NEB: variants seen among roughly 807,000 people sequenced by gnomAD.
NEB encodes the protein nemaline myopathy type 2.
In NEB, 512 loss-of-function variants were observed where a neutral mutation model predicts 952.2. The observed-to-expected ratio is 0.54, with a 90% CI of 0.50 to 0.58. The LOEUF (loss-of-function observed/expected upper bound fraction) is 0.58, where lower values mean the gene tolerates loss of function less well. Ranked by LOEUF, NEB falls within the 20% of genes least tolerant of loss-of-function variation. The pLI is 0.00. For missense variants in NEB, 8,428 were observed against 9,231.1 expected (o/e 0.91, Z 3.56); for synonymous variants, 2,900 against 3,149.8 (o/e 0.92, Z 2.66).
rs1452847917 is a variant in NEB at position 151,490,451 on chromosome 2, C to T, written c.25218G>A (p.Glu8406=). ...SASALSISGG[E]EKSEHSEAPD... The stretch of plus-strand genomic sequence containing the variant: ...GTGCTTCTGAATGCTCAGACTTCTC[C>T]TCACCCCCACTGATGCTTAGTGCAC... Residue 8406 remains glutamate (E), a synonymous_variant, in exon 180 of 182, where the codon GAG becomes GAA. Transcript: ENST00000397345. The T allele has an allele frequency of 1.9e-6, 3 of 1,606,680 alleles. No homozygotes were observed. Among genetic ancestry groups the T allele is most frequent in the Non-Finnish European group, 1.7e-6 (2 of 1,176,658 alleles).
rs750592605 is a variant in NEB at position 151,563,881 on chromosome 2, A to G, written c.18521T>C (p.Leu6174Pro). ...WEGTKAYGYTLDERYIPIVGA... is the reference protein window; with the variant it reads ...WEGTKAYGYTPDERYIPIVGA... ...AACAATGGGAATGTAGCGCTCATCC[A>G]GGGTGTAGCCATAGGCCTTGGTGCC... Residue 6174 changes from leucine (L) to proline (P), a missense_variant, in exon 118 of 182, where the codon CTG becomes CCG. Leu to Pro is a moderately conservative substitution (Grantham distance 98). Around this residue, in one of 11 missense-constraint regions of NEB, gnomAD observed 3,374 missense variants for 3,651.5 expected, o/e 0.92. Transcript: ENST00000397345. 2 of 1,612,782 alleles carry G rather than the reference A, an allele frequency of 1.2e-6. No homozygotes were observed. The highest frequency in any genetic ancestry group is 1.7e-6 in the Non-Finnish European group (2 of 1,179,392).
chr2:151,516,239 GT>G (rs2077631138), intron 157 of NEB, among the ~76,000 whole-genome samples: 2 of 152,170 alleles, frequency 1.3e-5, no homozygotes, highest in South Asian at 4.1e-4. Flanking sequence ...AGAAATGGCT[GT>G]TGAAATAAGA....
rs869176689 is a variant in NEB at position 151,730,616 on chromosome 2, G to GA, written c.37-961dup. On this transcript the variant is annotated intron_variant, in intron 3 of 181. Transcript: ENST00000397345. ...TGAAACACTTGGCTCATTTCTTAGT[G>GA]AAAAAAAAAAAAAAAAAAAAAGGAT... 7.7e-3 allele frequency among the ~76,000 whole-genome samples: 951 copies of GA among 124,018 alleles called. 7 individuals carry two copies. The highest frequency in any genetic ancestry group is 0.012 in the African/African-American group (300 of 25,932). 81.4% of individuals were successfully genotyped at this position (124,018 alleles called of 152,430 possible).
chr2:151,674,608 G>A (rs377603856), intron 35 of NEB, 24 bp from the exon 36 acceptor site: 27 of 1,506,358 alleles, frequency 1.8e-5, no homozygotes, highest in Non-Finnish European at 2.4e-5. Context: ...CAAACAGAAT[G>A]TCAGCATCTG....
At position 151,640,169 on chromosome 2, in the gene NEB, G is replaced by A. The variant is rs181097573; in HGVS notation, c.8686-109C>T. The A allele has an allele frequency of 6.1e-4, 894 of 1,465,756 alleles. 1 individual carries two copies. Among genetic ancestry groups the A allele is most frequent in the Non-Finnish European group, 7.4e-4 (789 of 1,065,184 alleles). The allele number at this position is 1,465,756 out of a possible 1,614,324, so 90.8% of individuals were successfully genotyped here. ...ACTCTCAAAATTTAGTTTGGTGGAC[G>A]GGCCAGGTATCACACAATATTCCTC... On this transcript the variant is annotated intron_variant, in intron 61 of 181. Coordinates refer to ENST00000397345, the MANE Select transcript of NEB (RefSeq NM_001164508.2).
At chr2:151,715,052 C>A (rs1056276202) in intron 10 of NEB, among the ~76,000 whole-genome samples, 4 of 152,204 alleles carry the variant, frequency 2.6e-5, no homozygotes, top group African/African-American at 9.6e-5. Context: ...AATCCAGTGA[C>A]CTTTTTCCAC....
rs1340052517 is a variant in NEB, at chr2:151,610,110, T to C, written c.12029A>G (p.Lys4010Arg). 1.2e-6 allele frequency: 2 copies of C among 1,608,184 alleles called. No homozygotes were observed. Among genetic ancestry groups the C allele is most frequent in the Non-Finnish European group, 1.7e-6 (2 of 1,177,154 alleles). Reference protein sequence around the residue: ...SRDIASDYKYKEAYEKQKGHH... With the variant: ...SRDIASDYKYREAYEKQKGHH... ...GCCTTTCTGTTTCTCATAGGCTTCC[T>C]TGTATTTGTACTAAAATGCCAGAAA... The change falls in exon 81 of 182, where the codon AAG becomes AGG. Residue 4010 changes from lysine (K) to arginine (R), a missense_variant. Lys to Arg is a conservative substitution (Grantham distance 26). Coordinates refer to ENST00000397345, the MANE Select transcript of NEB (RefSeq NM_001164508.2).
At chr2:151,507,149 G>T (rs989855952) in intron 162 of NEB, 136 bp from the exon 163 acceptor site, 3 of 583,212 alleles carry the variant, frequency 5.1e-6, no homozygotes, top group Non-Finnish European at 8.9e-6. Flanking sequence ...TGGTCTGGTA[G>T]CCCAAGGGAA....
At chr2:151,680,689 T>C (rs1427921327) in intron 30 of NEB, 41 bp downstream of exon 30, 1 of 1,354,406 alleles carries the variant, frequency 7.4e-7, no homozygotes. Flanking sequence ...GTATTTGTAT[T>C]AGTTAACATC....
chr2:151,494,114 G>A, intron 174 of NEB, 47 bp downstream of exon 174: 1 of 1,478,966 alleles, frequency 6.8e-7, no homozygotes, highest in Non-Finnish European at 9.3e-7. Context: ...CAAACTGCAA[G>A]AGTTATTTTG....
Position 151,694,640 on chromosome 2 carries a change from A to C in NEB, c.1675-11T>G, listed in dbSNP as rs754953272. The C allele has an allele frequency of 1.7e-5, 27 of 1,564,344 alleles. No individual in the cohort carries two copies. Among genetic ancestry groups the C allele is most frequent in the Admixed American group, 1.3e-4 (7 of 52,124 alleles). On this transcript the variant is annotated splice_polypyrimidine_tract_variant and intron_variant, in intron 18 of 181. Transcript: ENST00000397345. The stretch of plus-strand genomic sequence containing the variant: ...TTGCTTATAAAGATTCTGGACAAAA[A>C]AATTCAGCAAAGGAATTGGCAAAAG...
In NEB at chr2:151,524,480, G is replaced by T. The variant is rs545282896; in HGVS notation, c.22374+35C>A. The T allele has an allele frequency of 1.4e-5, 23 of 1,612,920 alleles. No individual in the cohort carries two copies. The South Asian group carries it at 2.3e-4, about 16-fold the overall frequency. ...TGCCTGGCATGCCTTGGCAATGGCT[G>T]TTGGGGACTGGGGACATTTTCATGA... is the stretch of plus-strand genomic sequence containing the variant. On this transcript the variant is annotated intron_variant, in intron 152 of 181. Coordinates refer to ENST00000397345, the MANE Select transcript of NEB (RefSeq NM_001164508.2).
At chr2:151,625,697 T>C in intron 70 of NEB, 59 bp from the exon 71 acceptor site, 2 of 1,190,492 alleles carry the variant, frequency 1.7e-6, no homozygotes, top group East Asian at 2.5e-5. Flanking sequence ...ACAGGAGTTT[T>C]CAATTAAGAC....
At chr2:151,734,064 A>G (rs1183189812) in intron 1 of NEB, among the ~76,000 whole-genome samples, 2 of 152,208 alleles carry the variant, frequency 1.3e-5, no homozygotes, top group Admixed American at 6.5e-5. Flanking sequence ...AATGAAGCCC[A>G]GTAGAACAGG....
rs1576285597 is a variant in NEB at position 151,684,796 on chromosome 2, T to G, written c.2817A>C (p.Ala939=). 6.2e-7 allele frequency: 1 copy of G among 1,609,142 alleles called. No individual in the cohort carries two copies. Among genetic ancestry groups the G allele is most frequent in the East Asian group, 2.2e-5 (1 of 44,824 alleles). Reference sequence around the variant, plus strand: ...TACTCACATCGCTCTGCAGCGCATATGCCTTCTTGGCAAGGTCCACATTGA... The same window carrying G: ...TACTCACATCGCTCTGCAGCGCATAGGCCTTCTTGGCAAGGTCCACATTGA... ...DSINVDLAKK[A]YALQSDVEYK... The change falls in exon 28 of 182, where the codon GCA becomes GCC. Residue 939 remains alanine, a synonymous_variant. Transcript: ENST00000397345.
intron 92 of NEB, among the ~76,000 whole-genome samples, chr2:151,595,469 T>C (rs1578784190): frequency 6.6e-6 from 1 of 150,514 alleles, no homozygotes; most frequent in South Asian, 2.1e-4. Context: ...GATGAGGTTT[T>C]ACCATGTTGG....
intron 4 of NEB, among the ~76,000 whole-genome samples, chr2:151,728,913 A>G (rs2099798520): frequency 6.6e-6 from 1 of 152,192 alleles, no homozygotes; most frequent in African/African-American, 2.4e-5. Flanking sequence ...ACTGTGAGAG[A>G]CTAACCAAAT....
Position 151,667,895 on chromosome 2 carries a change from T to A in NEB, c.4628A>T (p.Asp1543Val). Reference sequence around the variant, plus strand: ...GCCCTTGGCAATGGTTTTCTTCCAATCTGCTTTATAATGAGCCTTCAAAAA... The same window carrying A: ...GCCCTTGGCAATGGTTTTCTTCCAAACTGCTTTATAATGAGCCTTCAAAAA... Reference protein sequence around the residue: ...LNMSDAHYKADWKKTIAKGYD... With the variant: ...LNMSDAHYKAVWKKTIAKGYD... Residue 1543 changes from aspartate (D) to valine (V), a missense_variant, in exon 40 of 182, where the codon GAT (aspartate) becomes GTT (valine). Around this residue, in one of 11 missense-constraint regions of NEB, gnomAD observed 2,851 missense variants for 2,791.5 expected, o/e 1.02. Coordinates refer to ENST00000397345, the MANE Select transcript of NEB (RefSeq NM_001164508.2). 2 of 1,612,084 alleles carry A rather than the reference T, an allele frequency of 1.2e-6. No individual in the cohort carries two copies. The highest frequency in any genetic ancestry group is 2.2e-5 in the South Asian group (2 of 90,892).
Position 151,562,806 on chromosome 2 carries a change from C to T in NEB, c.18696G>A (p.Leu6232=), listed in dbSNP as rs1378049269. Residue 6232 remains leucine, a splice_region_variant and synonymous_variant, in exon 120 of 182, where the codon TTG becomes TTA. Transcript: ENST00000397345. The part of the protein sequence containing the change: ...CLDFQKMRSA[L]NYRKHYEDTK... ...TATCCTCATAATGTTTTCTGTAGTT[C>T]AACTAATATGTTTTAAAGACAAAAA... is the stretch of plus-strand genomic sequence containing the variant. The T allele has an allele frequency of 1.3e-6, 2 of 1,554,666 alleles. No homozygotes were observed. The highest frequency in any genetic ancestry group is 8.7e-7 in the Non-Finnish European group (1 of 1,145,632).
Sources: gnomAD v4.1 joint callset for allele counts (sites outside exome capture counted in the v4.1 genomes callset) on GRCh38, gnomAD v4.1.1 for gene constraint, gnomAD v4.1.1 regional missense constraint, MANE v1.5 for transcripts, NCBI Gene and HGNC (gene_info 2026-07-23, HGNC 2026-07-21) for gene names.